PFKFB3: variants seen among roughly 807,000 people sequenced by gnomAD.
PFKFB3 encodes the protein 6-phosphofructo-2-kinase/fructose-2,6-bisphosphatase 3.
Under a neutral mutation model 68.0 loss-of-function variants are expected in PFKFB3, and 33 were observed. The ratio of observed to expected loss-of-function variants is 0.49; its 90% CI spans 0.37 to 0.65. The LOEUF (loss-of-function observed/expected upper bound fraction) is 0.65. Ranked by LOEUF, PFKFB3 falls within the 30% of genes least tolerant of loss-of-function variation. PFKFB3 has a pLI of 0.00. For synonymous variants in PFKFB3, 315 were observed against 288.2 expected, an observed-to-expected ratio of 1.09 and a Z score of -0.94; for missense variants, 586 against 712.2, an observed-to-expected ratio of 0.82 and a Z score of 2.02.
chr10:6,163,806 T>TCACGTGCTGTCG (rs1178183888), intron 1 of PFKFB3: 1 of 151,806 alleles, frequency 6.6e-6, no homozygotes, highest in Non-Finnish European at 1.5e-5. Flanking sequence ...CACGCCGCGT[T>TCACGTGCTGTCG]CACGTGCTGT....
chr10:6,260,239 C>T, the PFKFB3 span, among the ~76,000 whole-genome samples: 2 of 151,782 alleles, frequency 1.3e-5, no homozygotes, highest in African/African-American at 2.4e-5. Flanking sequence ...CGTGAAACCC[C>T]GTCTCTACTA....
chr10:6,145,222 C>T (rs1841339966), intron 1 of PFKFB3, among the ~76,000 whole-genome samples: 2 of 151,872 alleles, frequency 1.3e-5, no homozygotes, highest in South Asian at 4.1e-4. Flanking sequence ...CCTCCAGATC[C>T]GCACTGTCTC....
At chr10:6,207,137 G>T (rs1478140332) in intron 1 of PFKFB3, among the ~76,000 whole-genome samples, 10 of 152,242 alleles carry the variant, frequency 6.6e-5, no homozygotes, top group Middle Eastern at 3.2e-3. Flanking sequence ...CTGCACCCCA[G>T]CCTGGGCACC....
At chr10:6,166,995 A>T (rs1240422207) in intron 1 of PFKFB3, among the ~76,000 whole-genome samples, 1 of 151,640 alleles carries the variant, frequency 6.6e-6, no homozygotes, top group African/African-American at 2.4e-5. Flanking sequence ...ATGCCCTGCT[A>T]ATTTTGTATT....
intron 14 of PFKFB3, among the ~76,000 whole-genome samples, chr10:6,243,473 CT>C (rs926191238): frequency 6.6e-6 from 1 of 152,216 alleles, no homozygotes; most frequent in African/African-American, 2.4e-5. Context: ...TTTCTTCCCC[CT>C]GGGAAGGGAA....
Position 6,220,027 on chromosome 10 carries a change from C to T in PFKFB3, c.623+334C>T, listed in dbSNP as rs1844844550. Among the ~76,000 whole-genome samples, 1 of 152,206 alleles carries T rather than the reference C, an allele frequency of 6.6e-6. No homozygotes were observed. The highest frequency in any genetic ancestry group is 2.1e-4 in the South Asian group (1 of 4,836). The stretch of plus-strand genomic sequence containing the variant: ...CATAGAGTTGAGCCTGATTTTGCTA[C>T]TGTCCCTCCGATAGTTCCTTTCTTT... On this transcript the variant is annotated intron_variant, in intron 7 of 14. Transcript: ENST00000379775. This position sits in a 1 kb window ranked among gnomAD's most constrained non-coding sequence, Gnocchi z 4.1.
the PFKFB3 span, among the ~76,000 whole-genome samples, chr10:6,273,040 T>C: frequency 7.4e-6 from 1 of 135,060 alleles, no homozygotes; most frequent in Non-Finnish European, 1.5e-5. Context: ...GGAGCCTCAC[T>C]CTGTTGCCCA....
At chr10:6,193,910 C>T (rs1843098970) in intron 1 of PFKFB3, among the ~76,000 whole-genome samples, 1 of 152,214 alleles carries the variant, frequency 6.6e-6, no homozygotes, top group South Asian at 2.1e-4. Flanking sequence ...GGAATATCAT[C>T]AGTTAAGTCG....
At chr10:6,280,047 C>A in the PFKFB3 span, among the ~76,000 whole-genome samples, 1 of 152,182 alleles carries the variant, frequency 6.6e-6, no homozygotes, top group African/African-American at 2.4e-5. Flanking sequence ...TGTCACACAG[C>A]GGACACACCT....
the PFKFB3 span, among the ~76,000 whole-genome samples, chr10:6,299,499 G>A: frequency 2.0e-5 from 3 of 152,154 alleles, no homozygotes; most frequent in Non-Finnish European, 4.4e-5. Context: ...CACAGGCTGC[G>A]GGAGGTGAAC....
At chr10:6,282,547 C>G in the PFKFB3 span, among the ~76,000 whole-genome samples, 1 of 152,152 alleles carries the variant, frequency 6.6e-6, no homozygotes, top group South Asian at 2.1e-4. Flanking sequence ...CTTAGCCCTA[C>G]CATCCAATGG....
intron 14 of PFKFB3, chr10:6,226,569 C>A: frequency 1.8e-6 from 1 of 562,796 alleles, no homozygotes; most frequent in Non-Finnish European, 3.1e-6. Context: ...TAGGAAGCAC[C>A]CTCCGAAGTT....
rs1284920667 is a variant in PFKFB3 at position 6,226,196 on chromosome 10, C to T, written c.1346C>T (p.Ala449Val). 1 of 1,582,906 alleles carries T rather than the reference C, an allele frequency of 6.3e-7. No homozygotes were observed. The highest frequency in any genetic ancestry group is 1.9e-5 in the Admixed American group (1 of 53,428). Residue 449 changes from alanine (A) to valine (V), a missense_variant, in exon 14 of 15, where the codon GCA becomes GTA. Transcript: ENST00000379775. ...VCTHRERSED[A>V]KKGPNPLMRR... Reference sequence around the variant, plus strand: ...TTTTGTCTTTGTCTTGCTTAGGATGCAAAGAAGGGACCTAACCCGCTCATG... The same window carrying T: ...TTTTGTCTTTGTCTTGCTTAGGATGTAAAGAAGGGACCTAACCCGCTCATG...
intron 1 of PFKFB3, among the ~76,000 whole-genome samples, chr10:6,168,465 G>T (rs1488550768): frequency 6.6e-6 from 1 of 152,212 alleles, no homozygotes; most frequent in African/African-American, 2.4e-5. Flanking sequence ...GTTCCCTGAT[G>T]TGTCAGCCTT....
intron 1 of PFKFB3, among the ~76,000 whole-genome samples, chr10:6,163,252 A>T (rs1180839500): frequency 6.6e-6 from 1 of 152,166 alleles, no homozygotes; most frequent in African/African-American, 2.4e-5. Context: ...GGCTTAAGAA[A>T]ATATCTCCAG....
chr10:6,286,039 G>A, the PFKFB3 span, among the ~76,000 whole-genome samples: 1 of 132,314 alleles, frequency 7.6e-6, no homozygotes, highest in Admixed American at 8.4e-5. Context: ...GTGCAGTGGT[G>A]TGATCTTGGC....
intron 14 of PFKFB3, among the ~76,000 whole-genome samples, chr10:6,246,796 G>A (rs1265507689): frequency 2.0e-5 from 3 of 152,006 alleles, no homozygotes; most frequent in South Asian, 2.1e-4. Flanking sequence ...CTTGATTCCC[G>A]TGCCTTCTCC....
the PFKFB3 span, among the ~76,000 whole-genome samples, chr10:6,273,411 C>T: frequency 2.6e-5 from 4 of 152,088 alleles, no homozygotes; most frequent in Non-Finnish European, 5.9e-5. Context: ...AAGGGATCCC[C>T]GCCGCCATGC....
At chr10:6,288,635 G>C in the PFKFB3 span, among the ~76,000 whole-genome samples, 1 of 151,456 alleles carries the variant, frequency 6.6e-6, no homozygotes, top group Non-Finnish European at 1.5e-5. Flanking sequence ...CCAAGTCTTT[G>C]CTATTGTGAA....
Sources: allele counts gnomAD v4.1 joint callset (sites outside exome capture counted in the v4.1 genomes callset), GRCh38; gene constraint gnomAD v4.1.1; non-coding constraint Gnocchi (gnomAD v3.1); transcripts MANE v1.5; gene names NCBI Gene and HGNC (gene_info 2026-07-23, HGNC 2026-07-21).